Variants in IKZF2 observed in about 807,000 individuals in gnomAD.
IKZF2 encodes the protein IKAROS family zinc finger 2.
IKZF2 carries 15 observed loss-of-function variants against 49.2 expected under a neutral mutation model. The observed-to-expected ratio is 0.30, with a 90% CI of 0.20 to 0.47. The LOEUF (loss-of-function observed/expected upper bound fraction) is 0.47, where lower values mean the gene tolerates loss of function less well. Among genes scored for constraint, IKZF2 ranks in the 20% least tolerant of loss-of-function variants. The pLI is 1.00. For synonymous variants in IKZF2, 227 were observed against 221.4 expected, an observed-to-expected ratio of 1.03 and a Z score of -0.23; for missense variants, 567 against 664.6, an observed-to-expected ratio of 0.85 and a Z score of 1.61.
At chr2:213,046,186 C>A (rs1298490466) in intron 6 of IKZF2, among the ~76,000 whole-genome samples, 1 of 152,054 alleles carries the variant, frequency 6.6e-6, no homozygotes, top group Non-Finnish European at 1.5e-5. Flanking sequence ...ACAATGTAGC[C>A]CAAACCGTGC....
intron 4 of IKZF2, among the ~76,000 whole-genome samples, chr2:213,057,337 A>G (rs1701259798): frequency 1.3e-5 from 2 of 152,098 alleles, no homozygotes; most frequent in African/African-American, 4.8e-5. Flanking sequence ...ATTTCCTCAC[A>G]TATTTGTTTC....
At chr2:213,112,126 G>A (rs976318571) in intron 4 of IKZF2, among the ~76,000 whole-genome samples, 1 of 151,988 alleles carries the variant, frequency 6.6e-6, no homozygotes, top group African/African-American at 2.4e-5. Flanking sequence ...AGTTTCATTG[G>A]TTAAGAACTG....
rs543381111 is a variant in IKZF2, at chr2:213,016,378, G to A, written c.713-2444C>T. 2.6e-5 allele frequency among the ~76,000 whole-genome samples: 4 copies of A among 152,168 alleles called. No individual in the cohort carries two copies. The South Asian group carries it at 8.3e-4, about 32-fold the overall frequency. ...CAACCATTACGCTATACTACTCTTT[G>A]TAGAGGTATTTTGAGCATTGACTTT... On this transcript the variant is annotated intron_variant, in intron 7 of 8. Transcript: ENST00000434687.
chr2:213,143,325 GT>G (rs1027976529), intron 4 of IKZF2, among the ~76,000 whole-genome samples: 10 of 151,986 alleles, frequency 6.6e-5, no homozygotes, highest in African/African-American at 2.4e-4. Flanking sequence ...GCCATACGTT[GT>G]TTTGTTTTTT....
At chr2:213,012,683 T>C (rs1031055597) in intron 8 of IKZF2, among the ~76,000 whole-genome samples, 1 of 152,006 alleles carries the variant, frequency 6.6e-6, no homozygotes, top group Non-Finnish European at 1.5e-5. Flanking sequence ...CTTAGAGTGC[T>C]ATTTTGGTGA....
At chr2:213,040,004 T>G (rs930429182) in intron 6 of IKZF2, among the ~76,000 whole-genome samples, 1 of 152,128 alleles carries the variant, frequency 6.6e-6, no homozygotes, top group African/African-American at 2.4e-5. Flanking sequence ...AGACAATGAA[T>G]AAATGTCTTT....
At chr2:213,025,236 T>A (rs1697689255) in intron 6 of IKZF2, among the ~76,000 whole-genome samples, 1 of 152,176 alleles carries the variant, frequency 6.6e-6, no homozygotes, top group Non-Finnish European at 1.5e-5. Flanking sequence ...GTTATATGCA[T>A]CCCTTCAGAT....
chr2:213,131,686 A>C (rs535906933), intron 4 of IKZF2, among the ~76,000 whole-genome samples: 42 of 152,274 alleles, frequency 2.8e-4, no homozygotes, highest in African/African-American at 9.1e-4. Flanking sequence ...TTGAGAAAAG[A>C]GTTAAAAGTT....
intron 4 of IKZF2, among the ~76,000 whole-genome samples, chr2:213,091,898 G>A (rs1003062328): frequency 6.6e-6 from 1 of 151,538 alleles, no homozygotes; most frequent in Non-Finnish European, 1.5e-5. Flanking sequence ...GTGTGTGTGT[G>A]TGCGTGTGTG....
At chr2:213,074,886 C>G (rs1303088500) in intron 4 of IKZF2, among the ~76,000 whole-genome samples, 1 of 152,132 alleles carries the variant, frequency 6.6e-6, no homozygotes, top group African/African-American at 2.4e-5. Context: ...GGTTATTAAA[C>G]GTAAGCCTAA....
At chr2:213,151,783 A>G (rs1196563676), upstream of IKZF2, among the ~76,000 whole-genome samples, 1 of 145,990 alleles carries the variant, frequency 6.8e-6, no homozygotes, top group Non-Finnish European at 1.5e-5. Context: ...GGCGCGGGCG[A>G]GCGGACGTGC....
intron 6 of IKZF2, among the ~76,000 whole-genome samples, chr2:213,027,756 T>C (rs1323168513): frequency 6.6e-6 from 1 of 152,092 alleles, no homozygotes; most frequent in Non-Finnish European, 1.5e-5. Context: ...AAAGTTTCTT[T>C]TTAAAAGTAT....
intron 4 of IKZF2, among the ~76,000 whole-genome samples, chr2:213,073,838 G>T (rs746800434): frequency 2.6e-5 from 4 of 152,172 alleles, no homozygotes; most frequent in Non-Finnish European, 5.9e-5. Context: ...AGAATGATGT[G>T]AAGAATTATC....
chr2:213,117,465 T>C (rs1355523947), intron 4 of IKZF2, among the ~76,000 whole-genome samples: 1 of 152,194 alleles, frequency 6.6e-6, no homozygotes, highest in Non-Finnish European at 1.5e-5. Flanking sequence ...GATTTGAACC[T>C]AGGCCCCAGA....
rs1310074231 is a variant in IKZF2 at position 213,057,114 on chromosome 2, G to T, written c.140-15C>A. On this transcript the variant is annotated splice_polypyrimidine_tract_variant and intron_variant, in intron 4 of 8. Transcript: ENST00000434687. ...TACTGAATTTGCTGTAATTTGAAAA[G>T]AAGAAAATAAATTTTAAATACATGT... The T allele has an allele frequency of 1.9e-6, 3 of 1,605,112 alleles. No individual in the cohort carries two copies. The highest frequency in any genetic ancestry group is 2.6e-6 in the Non-Finnish European group (3 of 1,176,158).
intron 4 of IKZF2, among the ~76,000 whole-genome samples, chr2:213,078,482 T>G (rs1427361681): frequency 2.0e-5 from 3 of 152,216 alleles, no homozygotes; most frequent in Admixed American, 6.5e-5. Context: ...TCAATAGATC[T>G]TCACACTAGA....
At chr2:213,129,979 G>A (rs920182126) in intron 4 of IKZF2, among the ~76,000 whole-genome samples, 2 of 152,204 alleles carry the variant, frequency 1.3e-5, no homozygotes, top group African/African-American at 4.8e-5. Context: ...GAGAAAGAGA[G>A]AAGAGGACCT....
chr2:213,053,076 T>C (rs1051089431), intron 5 of IKZF2, among the ~76,000 whole-genome samples: 1 of 152,174 alleles, frequency 6.6e-6, no homozygotes, highest in African/African-American at 2.4e-5. Context: ...TCTTCATATG[T>C]ATATCAAAGC....
chr2:213,087,217 G>T (rs1424301378), intron 4 of IKZF2, among the ~76,000 whole-genome samples: 1 of 152,078 alleles, frequency 6.6e-6, no homozygotes, highest in Non-Finnish European at 1.5e-5. Flanking sequence ...TTTAAACACT[G>T]CCTGTTGCTG....
Sources: allele counts gnomAD v4.1 joint callset (sites outside exome capture counted in the v4.1 genomes callset), GRCh38; gene constraint gnomAD v4.1.1; transcripts MANE v1.5; gene names NCBI Gene and HGNC (gene_info 2026-07-23, HGNC 2026-07-21).